ULK4: variants seen among roughly 807,000 people sequenced by gnomAD.
The protein encoded by ULK4 is inactive serine/threonine-protein kinase ULK4.
ULK4 carries 133 observed loss-of-function variants against 160.6 expected under a neutral mutation model. The observed-to-expected ratio is 0.83, with a 90% CI of 0.72 to 0.96. The LOEUF (loss-of-function observed/expected upper bound fraction) is 0.96, where lower values mean the gene tolerates loss of function less well. Ranked by LOEUF, ULK4 falls within the 40% of genes least tolerant of loss-of-function variation. ULK4 has a pLI of 0.00. For synonymous variants in ULK4, 534 were observed against 539.8 expected (o/e 0.99, Z 0.15); for missense variants, 1,580 against 1,499.5 (o/e 1.05, Z -0.89).
At chr3:41,667,565 T>C (rs2035387484) in intron 29 of ULK4, among the ~76,000 whole-genome samples, 1 of 152,148 alleles carries the variant, frequency 6.6e-6, no homozygotes, top group Non-Finnish European at 1.5e-5. Flanking sequence ...ACTCTTGAAA[T>C]GGCCTCAGGG....
chr3:41,403,733 G>T (rs1203022454), intron 34 of ULK4, among the ~76,000 whole-genome samples: 1 of 152,024 alleles, frequency 6.6e-6, no homozygotes, highest in African/African-American at 2.4e-5. Flanking sequence ...AGCTTTTGGT[G>T]TTGCAAATTT....
intron 17 of ULK4, among the ~76,000 whole-genome samples, chr3:41,866,486 T>A (rs955085187): frequency 1.1e-4 from 16 of 152,316 alleles, no homozygotes; most frequent in African/African-American, 3.6e-4. Context: ...CCTACATCCC[T>A]CGCATGCGCA....
rs201664102 is a variant in ULK4, at chr3:41,427,968, AG to A, written c.3492+27528del. ...ATAAAGGGTATTAAAATAGGAAGAT[AG>A]GAAGTCAAACTGTCTCTGTTTACAG... On this transcript the variant is annotated intron_variant, in intron 34 of 36. Transcript: ENST00000301831. Among the ~76,000 whole-genome samples, 1,304 of 152,330 alleles carry A rather than the reference AG, an allele frequency of 8.6e-3. 16 individuals are homozygous for A. Among genetic ancestry groups the A allele is most frequent in the African/African-American group, 0.03 (1,253 of 41,576 alleles).
At chr3:41,822,638 C>A (rs1257759129) in intron 18 of ULK4, among the ~76,000 whole-genome samples, 2 of 150,452 alleles carry the variant, frequency 1.3e-5, no homozygotes, top group African/African-American at 4.9e-5. Context: ...AGGCTCGTCT[C>A]AAACTCCTGA....
intron 19 of ULK4, among the ~76,000 whole-genome samples, chr3:41,804,254 T>C (rs998017065): frequency 3.9e-5 from 6 of 152,220 alleles, no homozygotes; most frequent in African/African-American, 1.4e-4. Flanking sequence ...GAGCATTTTT[T>C]CATGTGTTTT....
chr3:41,956,196 C>G (rs535973923), intron 1 of ULK4, among the ~76,000 whole-genome samples: 88 of 152,238 alleles, frequency 5.8e-4, no homozygotes, highest in African/African-American at 2.0e-3. Flanking sequence ...TGACTGGTTG[C>G]AGAGAATGGA....
intron 35 of ULK4, among the ~76,000 whole-genome samples, chr3:41,338,723 ATATG>A (rs1559532220): frequency 6.6e-6 from 1 of 151,934 alleles, no homozygotes; most frequent in Non-Finnish European, 1.5e-5. Context: ...GTGCACATAT[ATATG>A]TGTGTGTGTG....
chr3:41,413,913 G>A (rs998991413), intron 34 of ULK4, among the ~76,000 whole-genome samples: 2 of 152,278 alleles, frequency 1.3e-5, no homozygotes, highest in South Asian at 4.1e-4. Flanking sequence ...GTATAAGTAC[G>A]TCCATTTGGG....
chr3:41,754,599 A>C lies in ULK4; in HGVS notation c.2194-111T>G. On this transcript the variant is annotated intron_variant, in intron 21 of 36. Coordinates refer to ENST00000301831, the MANE Select transcript of ULK4 (RefSeq NM_017886.4). The stretch of plus-strand genomic sequence containing the variant: ...CAAGCAGATGGCAGGAAGTAAAATA[A>C]TAACTACTGTTTTCGCATTCTCAAT... 3 of 949,182 alleles carry C rather than the reference A, an allele frequency of 3.2e-6. No homozygotes were observed. The South Asian group carries it at 9.1e-5, about 29-fold the overall frequency. The allele number at this position is 949,182 out of a possible 1,614,324, so 58.8% of individuals were successfully genotyped here. A position where few individuals can be genotyped will look rare whatever the true frequency, so the allele number is the denominator to read the frequency against.
intron 4 of ULK4, among the ~76,000 whole-genome samples, chr3:41,933,887 T>C (rs1015402772): frequency 1.3e-5 from 2 of 151,950 alleles, no homozygotes; most frequent in Non-Finnish European, 2.9e-5. Context: ...CCGTCTCTAC[T>C]AAAAATACAA....
chr3:41,438,105 T>G (rs1266882128), intron 34 of ULK4, among the ~76,000 whole-genome samples: 1 of 134,126 alleles, frequency 7.5e-6, no homozygotes, highest in African/African-American at 3.0e-5. Flanking sequence ...ACATGTTTAT[T>G]GTTAAAAAAA....
At chr3:41,775,646 AC>A (rs1442107387) in intron 21 of ULK4, among the ~76,000 whole-genome samples, 4 of 150,458 alleles carry the variant, frequency 2.7e-5, no homozygotes, top group African/African-American at 1.0e-4. Flanking sequence ...TGATCCACCC[AC>A]CTCAGCCTCC....
At chr3:41,939,032 T>C (rs1699868108) in intron 2 of ULK4, among the ~76,000 whole-genome samples, 1 of 152,104 alleles carries the variant, frequency 6.6e-6, no homozygotes, top group East Asian at 1.9e-4. Context: ...TATACTTAAT[T>C]TTACAACATA....
chr3:41,646,266 T>G (rs1324158313), intron 30 of ULK4, among the ~76,000 whole-genome samples: 1 of 152,208 alleles, frequency 6.6e-6, no homozygotes, highest in Non-Finnish European at 1.5e-5. Flanking sequence ...GCTCGTTAGT[T>G]GATGCAGTTT....
chr3:41,783,284 C>G (rs1334587239), intron 21 of ULK4, among the ~76,000 whole-genome samples: 2 of 151,984 alleles, frequency 1.3e-5, no homozygotes, highest in Admixed American at 6.6e-5. Context: ...CATCTGTAAT[C>G]CCAGCACTTT....
intron 21 of ULK4, among the ~76,000 whole-genome samples, chr3:41,754,796 GC>G (rs2038743209): frequency 6.6e-6 from 1 of 152,128 alleles, no homozygotes; most frequent in African/African-American, 2.4e-5. Flanking sequence ...GAATGACAAA[GC>G]CTGCCTGTTA....
intron 3 of ULK4, 51 bp downstream of exon 3, chr3:41,938,047 T>C (rs1398167347): frequency 2.2e-6 from 3 of 1,354,420 alleles, no homozygotes; most frequent in South Asian, 1.6e-5. Context: ...CTTAACAGCA[T>C]GTTTTTTTTC....
At chr3:41,781,799 C>T (rs1334796807) in intron 21 of ULK4, among the ~76,000 whole-genome samples, 3 of 152,002 alleles carry the variant, frequency 2.0e-5, no homozygotes, top group African/African-American at 7.2e-5. Flanking sequence ...TTCAGCTAGG[C>T]GTGGTGCCAG....
At chr3:41,733,140 G>T (rs1253202283) in intron 22 of ULK4, among the ~76,000 whole-genome samples, 1 of 151,930 alleles carries the variant, frequency 6.6e-6, no homozygotes, top group Non-Finnish European at 1.5e-5. Flanking sequence ...AATAATAAAC[G>T]TTTGCAGTGA....
Sources: gnomAD v4.1 joint callset for allele counts (sites outside exome capture counted in the v4.1 genomes callset) on GRCh38, gnomAD v4.1.1 for gene constraint, MANE v1.5 for transcripts, NCBI Gene and HGNC (gene_info 2026-07-23, HGNC 2026-07-21) for gene names.